The following MDGA2 variants were observed in gnomAD, a reference collection of about 807,000 sequenced individuals.
The protein encoded by MDGA2 is MAM domain-containing glycosylphosphatidylinositol anchor protein 2.
MDGA2 carries 40 observed loss-of-function variants against 117.8 expected under a neutral mutation model. That is an observed-to-expected ratio of 0.34 (90% CI 0.26 to 0.44). The LOEUF (loss-of-function observed/expected upper bound fraction) is 0.44, where lower values mean the gene tolerates loss of function less well. Among genes scored for constraint, MDGA2 ranks in the 20% least tolerant of loss-of-function variants. MDGA2 has a pLI of 1.00. For synonymous variants in MDGA2, 452 were observed against 439.0 expected (o/e 1.03, Z -0.37); for missense variants, 1,123 against 1,250.6 (o/e 0.90, Z 1.54).
chr14:47,101,584 G>C (rs1001192350), intron 5 of MDGA2, among the ~76,000 whole-genome samples: 21 of 152,148 alleles, frequency 1.4e-4, no homozygotes. Flanking sequence ...ATGTTCCAGG[G>C]AGACAGCTCC....
At chr14:47,390,846 T>C (rs1891877770) in intron 1 of MDGA2, among the ~76,000 whole-genome samples, 2 of 152,156 alleles carry the variant, frequency 1.3e-5, no homozygotes, top group African/African-American at 4.8e-5. Context: ...CTGGAATTTT[T>C]CCTATTTCTC....
At chr14:47,661,219 A>G (rs564617752) in intron 1 of MDGA2, among the ~76,000 whole-genome samples, 3 of 152,192 alleles carry the variant, frequency 2.0e-5, no homozygotes, top group South Asian at 4.1e-4. Context: ...TTACTTTTAC[A>G]TACATTTCAT....
At chr14:47,343,635 AT>A (rs1386485268) in intron 1 of MDGA2, among the ~76,000 whole-genome samples, 1 of 152,156 alleles carries the variant, frequency 6.6e-6, no homozygotes, top group East Asian at 1.9e-4. Context: ...TTCATTAATT[AT>A]CTAAATAAAA....
chr14:47,595,764 G>A (rs1288014500), intron 1 of MDGA2, among the ~76,000 whole-genome samples: 1 of 152,012 alleles, frequency 6.6e-6, no homozygotes, highest in Non-Finnish European at 1.5e-5. Context: ...CTAGGCAAGG[G>A]CATAAGGCAT....
intron 1 of MDGA2, among the ~76,000 whole-genome samples, chr14:47,312,927 C>T (rs912438475): frequency 6.8e-6 from 1 of 146,472 alleles, no homozygotes; most frequent in Non-Finnish European, 1.5e-5. Flanking sequence ...TATATATATA[C>T]ATATATATAT....
chr14:47,212,196 G>A (rs908696899), intron 3 of MDGA2, among the ~76,000 whole-genome samples: 3 of 152,064 alleles, frequency 2.0e-5, no homozygotes, highest in Admixed American at 6.6e-5. Flanking sequence ...TATGCTATTT[G>A]CCTATCTTTT....
At chr14:47,435,429 C>T (rs1314486454) in intron 1 of MDGA2, among the ~76,000 whole-genome samples, 4 of 152,056 alleles carry the variant, frequency 2.6e-5, no homozygotes, top group Non-Finnish European at 5.9e-5. Flanking sequence ...CACCTGGACC[C>T]ACACATCAGT....
Position 46,841,654 on chromosome 14 carries a change from C to A in MDGA2, c.*277G>T. ...TTTTTTTTTTTTTTCCAGAGTTCAA[C>A]CAGATGACGCTGTAATCTTTTTAGC... On this transcript the variant is annotated 3_prime_UTR_variant, in exon 17 of 17. Transcript: ENST00000399232. The A allele has an allele frequency of 3.4e-5, 6 of 175,002 alleles. No homozygotes were observed. The highest frequency in any genetic ancestry group is 1.1e-4 in the East Asian group (1 of 8,942). 10.8% of individuals were successfully genotyped at this position (175,002 alleles called of 1,614,324 possible). A position where few individuals can be genotyped will look rare whatever the true frequency, so the allele number is the denominator to read the frequency against.
chr14:46,865,828 T>C (rs34756971), intron 14 of MDGA2, among the ~76,000 whole-genome samples: 1 of 151,778 alleles, frequency 6.6e-6, no homozygotes, highest in East Asian at 1.9e-4. Context: ...GCAATCCAAC[T>C]TACAAGGGAT....
intron 3 of MDGA2, among the ~76,000 whole-genome samples, chr14:47,178,090 G>T (rs1001125082): frequency 6.6e-6 from 1 of 151,970 alleles, no homozygotes; most frequent in African/African-American, 2.4e-5. Flanking sequence ...GTTGGGTATT[G>T]TAGATTCATA....
intron 2 of MDGA2, among the ~76,000 whole-genome samples, chr14:47,250,625 C>T (rs901092149): frequency 2.0e-5 from 3 of 152,150 alleles, no homozygotes; most frequent in African/African-American, 4.8e-5. Flanking sequence ...CACCAGACAC[C>T]AGATCTTCCA....
At chr14:47,047,733 T>C (rs898429022) in intron 7 of MDGA2, among the ~76,000 whole-genome samples, 2 of 152,036 alleles carry the variant, frequency 1.3e-5, no homozygotes, top group African/African-American at 4.8e-5. Flanking sequence ...CTATATAGAT[T>C]TTGTTTTATT....
chr14:47,606,348 T>C (rs889888624), intron 1 of MDGA2, among the ~76,000 whole-genome samples: 3 of 152,232 alleles, frequency 2.0e-5, no homozygotes, highest in African/African-American at 7.2e-5. Context: ...TCTGTCAACA[T>C]CAGTACTCCA....
intron 1 of MDGA2, among the ~76,000 whole-genome samples, chr14:47,621,132 T>A (rs564278071): frequency 6.6e-6 from 1 of 152,200 alleles, no homozygotes; most frequent in Non-Finnish European, 1.5e-5. Context: ...AGCACTCTCA[T>A]TAACTCCCAC....
intron 1 of MDGA2, among the ~76,000 whole-genome samples, chr14:47,524,902 A>G (rs1011872378): frequency 1.3e-5 from 2 of 152,206 alleles, no homozygotes; most frequent in Admixed American, 1.3e-4. Flanking sequence ...ATCAGTCACT[A>G]GAATGCACAT....
At chr14:47,036,087 G>A (rs1888837756) in intron 7 of MDGA2, among the ~76,000 whole-genome samples, 1 of 151,718 alleles carries the variant, frequency 6.6e-6, no homozygotes, top group Non-Finnish European at 1.5e-5. Flanking sequence ...GGCTAACACG[G>A]TGAAACCCCG....
intron 1 of MDGA2, among the ~76,000 whole-genome samples, chr14:47,603,782 G>C (rs999581323): frequency 1.3e-5 from 2 of 152,110 alleles, no homozygotes; most frequent in African/African-American, 2.4e-5. Context: ...GGCCGGGTGA[G>C]GGGTGACTGG....
intron 3 of MDGA2, among the ~76,000 whole-genome samples, chr14:47,207,896 C>A (rs1192338150): frequency 6.6e-6 from 1 of 151,946 alleles, no homozygotes; most frequent in Non-Finnish European, 1.5e-5. Context: ...TTCAGTATTT[C>A]ATGGATCAAT....
chr14:47,498,617 T>C (rs887851787), intron 1 of MDGA2, among the ~76,000 whole-genome samples: 2 of 152,162 alleles, frequency 1.3e-5, no homozygotes, highest in Non-Finnish European at 2.9e-5. Context: ...AAAGGTTATA[T>C]TTCTAACACA....
Sources: allele counts gnomAD v4.1 joint callset (sites outside exome capture counted in the v4.1 genomes callset), GRCh38; gene constraint gnomAD v4.1.1; transcripts MANE v1.5; gene names NCBI Gene and HGNC (gene_info 2026-07-23, HGNC 2026-07-21).